The following ZFPM2 variants were observed in gnomAD, a reference collection of about 807,000 sequenced individuals.
ZFPM2 encodes the protein zinc finger protein ZFPM2.
A neutral mutation model predicts 98.6 loss-of-function variants in ZFPM2; 20 were observed. That is an observed-to-expected ratio of 0.20 (90% CI 0.14 to 0.29). The LOEUF (loss-of-function observed/expected upper bound fraction) is 0.29. Among genes scored for constraint, ZFPM2 ranks in the 10% least tolerant of loss-of-function variants. The pLI, the probability that ZFPM2 is intolerant of heterozygous loss-of-function variation, is 1.00. For synonymous variants in ZFPM2, 518 were observed against 502.7 expected (o/e 1.03, Z -0.41); for missense variants, 1,310 against 1,388.6 (o/e 0.94, Z 0.90).
At chr8:105,349,350 G>A (rs1362150992) in intron 1 of ZFPM2, among the ~76,000 whole-genome samples, 1 of 152,122 alleles carries the variant, frequency 6.6e-6, no homozygotes, top group Admixed American at 6.5e-5. Context: ...AGTTCTGAGG[G>A]CCCGAGTAAT....
intron 2 of ZFPM2, among the ~76,000 whole-genome samples, chr8:105,441,434 A>AAGAGAGAGAGAG (rs35365518): frequency 1.1e-5 from 1 of 94,994 alleles, no homozygotes; most frequent in African/African-American, 6.2e-5. Flanking sequence ...GAAAGAAAGA[A>AAGAGAGAGAGAG]AGAGAGAGAG....
At chr8:105,456,144 ATGT>A (rs1207648795) in intron 3 of ZFPM2, among the ~76,000 whole-genome samples, 2 of 131,310 alleles carry the variant, frequency 1.5e-5, no homozygotes, top group Non-Finnish European at 3.3e-5. Flanking sequence ...AACCAGGAAA[ATGT>A]TTTTTTTTGT....
chr8:105,573,837 G>C (rs983823874), intron 4 of ZFPM2, among the ~76,000 whole-genome samples: 1 of 152,102 alleles, frequency 6.6e-6, no homozygotes, highest in African/African-American at 2.4e-5. Flanking sequence ...GATGGGGTCA[G>C]AACAGCCTGA....
At chr8:105,561,318 A>G in intron 3 of ZFPM2, 45 bp from the exon 4 acceptor site, 2 of 1,474,118 alleles carry the variant, frequency 1.4e-6, no homozygotes, top group East Asian at 4.6e-5. Context: ...GCTGCTGATA[A>G]AGTACAAGTA....
chr8:105,393,381 T>TCTTTCCTTTCTTTC (rs1554600713), intron 1 of ZFPM2, among the ~76,000 whole-genome samples: 1 of 130,678 alleles, frequency 7.7e-6, no homozygotes, highest in Non-Finnish European at 1.6e-5. Flanking sequence ...TTTCTTTCTT[T>TCTTTCCTTTCTTTC]CTTTCTTTCT....
chr8:105,380,713 A>ATTATATATAACATATATATTATATATAT (rs1213247980), intron 1 of ZFPM2, among the ~76,000 whole-genome samples: 4 of 39,382 alleles, frequency 1.0e-4, no homozygotes, highest in African/African-American at 5.1e-4. Flanking sequence ...TAATATATAT[A>ATTATATATAACATATATATTATATATAT]TATATTATAT....
In ZFPM2 at chr8:105,775,740, C is replaced by T. The variant is rs192065503; in HGVS notation, c.533-12978C>T. Among the ~76,000 whole-genome samples the T allele has an allele frequency of 1.8e-4, 28 of 152,214 alleles. No individual in the cohort carries two copies. The East Asian group carries it at 5.0e-3, about 27-fold the overall frequency. ...AGGGAGCCAGACAGTCAGATGGCTACCTCAGTGCCCCACCGCAAGTTTCCG... is the reference window on the plus strand; with the variant it reads ...AGGGAGCCAGACAGTCAGATGGCTATCTCAGTGCCCCACCGCAAGTTTCCG... On this transcript the variant is annotated intron_variant, in intron 5 of 7. Coordinates refer to ENST00000407775, the MANE Select transcript of ZFPM2 (RefSeq NM_012082.4).
chr8:105,592,370 G>A (rs1815868365), intron 4 of ZFPM2, among the ~76,000 whole-genome samples: 1 of 152,050 alleles, frequency 6.6e-6, no homozygotes, highest in African/African-American at 2.4e-5. Flanking sequence ...ATTGAAGGGT[G>A]GCCAAATTGG....
intron 5 of ZFPM2, among the ~76,000 whole-genome samples, chr8:105,686,123 A>G (rs1468215481): frequency 6.6e-6 from 1 of 152,112 alleles, no homozygotes; most frequent in African/African-American, 2.4e-5. Context: ...AGCTCAAAGC[A>G]CTTCTCATAT....
At chr8:105,484,291 T>A (rs2130398920) in intron 3 of ZFPM2, among the ~76,000 whole-genome samples, 1 of 142,240 alleles carries the variant, frequency 7.0e-6, no homozygotes, top group African/African-American at 3.1e-5. Flanking sequence ...CTTAATAAAT[T>A]TTTTTTAACT....
At chr8:105,462,044 C>T (rs374951769) in intron 3 of ZFPM2, among the ~76,000 whole-genome samples, 3 of 152,136 alleles carry the variant, frequency 2.0e-5, no homozygotes, top group African/African-American at 7.2e-5. Context: ...AAAATATAAG[C>T]AAGGAACAAT....
chr8:105,549,495 T>TCTCC lies in ZFPM2; in HGVS notation c.302-11850_302-11847dup, dbSNP rs1171543197. On this transcript the variant is annotated intron_variant, in intron 3 of 7. Coordinates refer to ENST00000407775, the MANE Select transcript of ZFPM2 (RefSeq NM_012082.4). ...TGGGAAGAAAAGCTCACAAATCTTC[T>TCTCC]CTCCCTCCCTCCCTCCCTCCCATCT... Among the ~76,000 whole-genome samples, 35 of 124,386 alleles carry TCTCC rather than the reference T, an allele frequency of 2.8e-4. 1 individual carries two copies. The highest frequency in any genetic ancestry group is 9.7e-4 in the African/African-American group (31 of 31,904). 81.6% of individuals were successfully genotyped at this position (124,386 alleles called of 152,430 possible).
chr8:105,621,769 T>C (rs1483565163), intron 4 of ZFPM2, among the ~76,000 whole-genome samples: 3 of 152,180 alleles, frequency 2.0e-5, no homozygotes, highest in African/African-American at 7.2e-5. Flanking sequence ...GTATTCTACA[T>C]AGTAGATAAC....
chr8:105,700,819 C>T (rs1383173616), intron 5 of ZFPM2, among the ~76,000 whole-genome samples: 1 of 152,178 alleles, frequency 6.6e-6, no homozygotes, highest in East Asian at 1.9e-4. Context: ...TGATCTCAAA[C>T]TCCTGACCTC....
At chr8:105,508,421 AT>A (rs553566434) in intron 3 of ZFPM2, among the ~76,000 whole-genome samples, 12 of 148,726 alleles carry the variant, frequency 8.1e-5, no homozygotes, top group East Asian at 2.0e-4. Context: ...AGTCTGTGGG[AT>A]TTTTTTTTTA....
At chr8:105,466,814 A>T (rs193017871) in intron 3 of ZFPM2, among the ~76,000 whole-genome samples, 12 of 151,980 alleles carry the variant, frequency 7.9e-5, no homozygotes, top group Admixed American at 7.9e-4. Flanking sequence ...TTGTTCAAGG[A>T]TACAGGCATC....
intron 3 of ZFPM2, among the ~76,000 whole-genome samples, chr8:105,518,308 A>G (rs533282288): frequency 1.3e-5 from 2 of 152,244 alleles, no homozygotes; most frequent in East Asian, 3.9e-4. Flanking sequence ...TGCTTGGTGG[A>G]TCTATTAACA....
chr8:105,582,648 C>T (rs1419771274), intron 4 of ZFPM2, among the ~76,000 whole-genome samples: 1 of 152,142 alleles, frequency 6.6e-6, no homozygotes, highest in Non-Finnish European at 1.5e-5. Context: ...GGCCAGAGTG[C>T]AGCAGCGCAA....
intron 3 of ZFPM2, among the ~76,000 whole-genome samples, chr8:105,549,639 G>A (rs1423373196): frequency 2.0e-5 from 3 of 146,368 alleles, no homozygotes; most frequent in Non-Finnish European, 4.5e-5. Context: ...TGAGACAGGG[G>A]CTCACTCTGT....
Sources: allele counts gnomAD v4.1 joint callset (sites outside exome capture counted in the v4.1 genomes callset), GRCh38; gene constraint gnomAD v4.1.1; transcripts MANE v1.5; gene names NCBI Gene and HGNC (gene_info 2026-07-23, HGNC 2026-07-21).